SUPT4H1: variants seen among roughly 807,000 people sequenced by gnomAD.
SUPT4H1 encodes the protein transcription elongation factor SPT4.
A neutral mutation model predicts 19.4 loss-of-function variants in SUPT4H1; 12 were observed. The ratio of observed to expected loss-of-function variants is 0.62; its 90% CI spans 0.40 to 1.00. The LOEUF is 1.00. Among genes scored for constraint, SUPT4H1 ranks in the 50% least tolerant of loss-of-function variants. The pLI, the probability that SUPT4H1 is intolerant of heterozygous loss-of-function variation, is 0.00. For synonymous variants in SUPT4H1, 58 were observed against 56.3 expected, an observed-to-expected ratio of 1.03 and a Z score of -0.14; for missense variants, 115 against 149.2, an observed-to-expected ratio of 0.77 and a Z score of 1.19.
chr17:58,352,129 G>A lies in SUPT4H1; in HGVS notation c.7C>T (p.Leu3=). MA[L]ETVPKDLRHL... Reference sequence around the variant, plus strand: ...CGCAGGTCCTTCGGCACCGTCTCCAGGGCCATCTTCGCCGATGGGAAGAAC... The same window carrying A: ...CGCAGGTCCTTCGGCACCGTCTCCAAGGCCATCTTCGCCGATGGGAAGAAC... The change falls in exon 1 of 5, where the codon CTG becomes TTG. Residue 3 remains leucine (L), a synonymous_variant. Coordinates refer to ENST00000225504, the MANE Select transcript of SUPT4H1 (RefSeq NM_003168.3). 1.2e-6 allele frequency: 2 copies of A among 1,614,172 alleles called. No individual in the cohort carries two copies. The highest frequency in any genetic ancestry group is 1.7e-6 in the Non-Finnish European group (2 of 1,180,028).
chr17:58,349,999 G>A (rs551211163), intron 2 of SUPT4H1, among the ~76,000 whole-genome samples: 1 of 152,336 alleles, frequency 6.6e-6, no homozygotes, highest in South Asian at 2.1e-4. Context: ...TTTAGAAATG[G>A]CGACCGGGCA....
chr17:58,350,510 C>CAAATAAATAAATAAATAAATAAAT (rs71143243), intron 2 of SUPT4H1, among the ~76,000 whole-genome samples: 39 of 146,926 alleles, frequency 2.7e-4, no homozygotes, highest in African/African-American at 5.8e-4. Context: ...GACTCCATCT[C>CAAATAAATAAATAAATAAATAAAT]AAATAAATAA....
intron 1 of SUPT4H1, 74 bp downstream of exon 1, chr17:58,351,993 C>G: frequency 6.6e-7 from 1 of 1,515,404 alleles, no homozygotes; most frequent in South Asian, 1.1e-5. Context: ...CTTTACTGTC[C>G]CACAGCCCCA....
In SUPT4H1 at chr17:58,347,525, T is replaced by C; in HGVS notation, c.232+4A>G. On this transcript the variant is annotated splice_donor_region_variant and intron_variant, in intron 3 of 4. Coordinates refer to ENST00000225504, the MANE Select transcript of SUPT4H1 (RefSeq NM_003168.3). ...AAGCCAAAAGGAGACAGGCCAACAC[T>C]TACTGACTCGCTGCCACTTGGAGAC... The C allele has an allele frequency of 6.2e-7, 1 of 1,614,132 alleles. No individual in the cohort carries two copies. Among genetic ancestry groups the C allele is most frequent in the Non-Finnish European group, 8.5e-7 (1 of 1,180,002 alleles).
chr17:58,352,192 G>T lies in SUPT4H1; in HGVS notation c.-57C>A. 1.3e-6 allele frequency: 2 copies of T among 1,549,436 alleles called. No individual in the cohort carries two copies. The highest frequency in any genetic ancestry group is 1.1e-5 in the South Asian group (1 of 89,532). The stretch of plus-strand genomic sequence containing the variant: ...GACGACCACAGCCTGTGCACCCGCA[G>T]GAAGTAAATAGCTCGTTACCCAGAA... On this transcript the variant is annotated 5_prime_UTR_variant, in exon 1 of 5. The change creates a new upstream start codon in the 5' untranslated region. Coordinates refer to ENST00000225504, the MANE Select transcript of SUPT4H1 (RefSeq NM_003168.3).
At chr17:58,350,059 G>A (rs951898351) in intron 2 of SUPT4H1, among the ~76,000 whole-genome samples, 4 of 152,190 alleles carry the variant, frequency 2.6e-5, no homozygotes, top group African/African-American at 9.7e-5. Flanking sequence ...GAGACGGGAG[G>A]ATCACCTGAG....
At chr17:58,352,036 T>C in intron 1 of SUPT4H1, 31 bp downstream of exon 1, 4 of 1,612,474 alleles carry the variant, frequency 2.5e-6, no homozygotes, top group South Asian at 1.1e-5. Flanking sequence ...TGGTCCCCCA[T>C]GGGCCCTACA....
At chr17:58,350,341 GTC>G (rs1442535902) in intron 2 of SUPT4H1, among the ~76,000 whole-genome samples, 3 of 151,482 alleles carry the variant, frequency 2.0e-5, no homozygotes, top group African/African-American at 7.3e-5. Context: ...GTGAAACCCC[GTC>G]TCTACTAAAA....
intron 1 of SUPT4H1, 195 bp downstream of exon 1, chr17:58,351,872 C>A: frequency 3.3e-6 from 2 of 612,022 alleles, no homozygotes; most frequent in Non-Finnish European, 5.7e-6. Context: ...CATGTAAGAC[C>A]GCCCCTGCCC....
At chr17:58,351,557 G>A in intron 1 of SUPT4H1, 49 bp from the exon 2 acceptor site, 2 of 1,328,860 alleles carry the variant, frequency 1.5e-6, no homozygotes, top group Non-Finnish European at 1.1e-6. Context: ...GCATGAACAA[G>A]ACCAAGAGAA....
intron 4 of SUPT4H1, 88 bp from the exon 5 acceptor site, chr17:58,346,401 A>C (rs1972288985): frequency 3.7e-6 from 4 of 1,081,820 alleles, no homozygotes; most frequent in Non-Finnish European, 5.7e-6. Context: ...GGGGTACTAT[A>C]AGCAAACTGG....
At chr17:58,351,728 T>C (rs951340432) in intron 1 of SUPT4H1, 3 of 577,916 alleles carry the variant, frequency 5.2e-6, no homozygotes, top group Non-Finnish European at 6.1e-6. Flanking sequence ...TCTATTCCTT[T>C]CTCTAGTCTA....
chr17:58,346,395 T>C lies in SUPT4H1; in HGVS notation c.287-82A>G, dbSNP rs545298526. On this transcript the variant is annotated intron_variant, in intron 4 of 4. Coordinates refer to ENST00000225504, the MANE Select transcript of SUPT4H1 (RefSeq NM_003168.3). ...CACTCAGCTGCCACCTTGAGGGGGG[T>C]ACTATAAGCAAACTGGAGTTCCTAG... The C allele has an allele frequency of 1.4e-3, 1,641 of 1,145,486 alleles. 35 individuals carry two copies. The South Asian group carries it at 0.017, about 12-fold the overall frequency. The allele number at this position is 1,145,486 out of a possible 1,614,324, so 71.0% of individuals were successfully genotyped here. A position where few individuals can be genotyped will look rare whatever the true frequency, so the allele number is the denominator to read the frequency against.
In SUPT4H1 at chr17:58,346,078, T is replaced by G; in HGVS notation, c.*168A>C. 1.0e-5 allele frequency: 6 copies of G among 583,104 alleles called. No homozygotes were observed. The highest frequency in any genetic ancestry group is 4.8e-4 in the Middle Eastern group (1 of 2,092). 36.1% of individuals were successfully genotyped at this position (583,104 alleles called of 1,614,324 possible). ...ACCCAAATCCCTCCCACCCCACCTG[T>G]AGTCCAAAGAAGATAAAATGATAAA... On this transcript the variant is annotated 3_prime_UTR_variant, in exon 5 of 5. Coordinates refer to ENST00000225504, the MANE Select transcript of SUPT4H1 (RefSeq NM_003168.3).
chr17:58,349,955 C>T (rs895763057), intron 2 of SUPT4H1, among the ~76,000 whole-genome samples: 19 of 152,298 alleles, frequency 1.2e-4, no homozygotes, highest in African/African-American at 4.3e-4. Context: ...GGTTGCACAA[C>T]AGTGAGTATG....
chr17:58,350,148 T>C (rs181474860), intron 2 of SUPT4H1, among the ~76,000 whole-genome samples: 1 of 151,896 alleles, frequency 6.6e-6, no homozygotes, highest in Admixed American at 6.6e-5. Flanking sequence ...TAGCTGGGCG[T>C]GGTGGTGGGC....
chr17:58,347,568 T>C lies in SUPT4H1; in HGVS notation c.193A>G (p.Ser65Gly). The change falls in exon 3 of 5, where the codon AGT becomes GGT. Residue 65 changes from serine (S) to glycine (G), a missense_variant. By Grantham distance (56) the Ser-to-Gly change is moderately conservative. Transcript: ENST00000225504. ...SSFDGIIAMM[S>G]PEDSWVSKWQ... ...TTGGAGACCCAGCTGTCCTCTGGAC[T>C]CATCATCGCAATGATTCTAGGGAGG... 1 of 1,614,202 alleles carries C rather than the reference T, an allele frequency of 6.2e-7. No homozygotes were observed. The highest frequency in any genetic ancestry group is 1.1e-5 in the South Asian group (1 of 91,086).
In SUPT4H1 at chr17:58,347,217, G is replaced by A. The variant is rs775563309; in HGVS notation, c.257C>T (p.Ala86Val). The stretch of plus-strand genomic sequence containing the variant: ...GGGCAGGCGACCAGTGACTGACACC[G>A]CATATACACCTGGCTTAAAGTTACC... ...RVSNFKPGVY[A>V]VSVTGRLPQG... Residue 86 changes from alanine (A) to valine (V), a missense_variant, in exon 4 of 5, where the codon GCG becomes GTG. Coordinates refer to ENST00000225504, the MANE Select transcript of SUPT4H1 (RefSeq NM_003168.3). 100 of 1,613,942 alleles carry A rather than the reference G, an allele frequency of 6.2e-5. No homozygotes were observed. Among genetic ancestry groups the A allele is most frequent in the Non-Finnish European group, 7.6e-5 (90 of 1,179,986 alleles).
chr17:58,347,956 G>A (rs1235852082), intron 2 of SUPT4H1, among the ~76,000 whole-genome samples: 2 of 152,168 alleles, frequency 1.3e-5, no homozygotes, highest in East Asian at 1.9e-4. Context: ...TGAAAACAAC[G>A]GATCCTCCTA....
Sources: gnomAD v4.1 joint callset for allele counts (sites outside exome capture counted in the v4.1 genomes callset) on GRCh38, gnomAD v4.1.1 for gene constraint, MANE v1.5 for transcripts, NCBI Gene and HGNC (gene_info 2026-07-23, HGNC 2026-07-21) for gene names.